FGF14: variants seen among roughly 807,000 people sequenced by gnomAD.
FGF14 encodes fibroblast growth factor homologous factor 4.
FGF14 carries 5 observed loss-of-function variants against 25.5 expected under a neutral mutation model. The ratio of observed to expected loss-of-function variants is 0.20; its 90% confidence interval spans 0.10 to 0.41. FGF14 has a LOEUF of 0.41. Ranked by LOEUF, FGF14 falls within the 10% of genes least tolerant of loss-of-function variation. The probability of loss-of-function intolerance (pLI) is 1.00; values close to 1 mark genes in which losing one functional copy is unlikely to be tolerated. For missense variants in FGF14, 222 were observed against 320.1 expected (o/e 0.69, Z 2.34); for synonymous variants, 138 against 118.3 (o/e 1.17, Z -1.08).
intron 1 of FGF14, among the ~76,000 whole-genome samples, chr13:101,980,712 G>A (rs78755853): frequency 0.014 from 2,201 of 152,242 alleles, 48 homozygotes; most frequent in African/African-American, 0.05. Context: ...ATCAGGGAGG[G>A]TTAACACATT....
intron 1 of FGF14, among the ~76,000 whole-genome samples, chr13:102,160,680 C>T (rs1055638370): frequency 6.6e-6 from 1 of 151,816 alleles, no homozygotes; most frequent in Non-Finnish European, 1.5e-5. Flanking sequence ...TGCCCTTTCA[C>T]AAAAAATGCT....
intron 3 of FGF14, among the ~76,000 whole-genome samples, chr13:101,826,128 G>T (rs3007764): frequency 0.66 from 100,901 of 151,924 alleles, 33,786 homozygotes; most frequent in African/African-American, 0.76. Flanking sequence ...GAATAGAAAT[G>T]ATGCATTTCA....
chr13:102,299,128 G>A (rs1189513039), intron 1 of FGF14, among the ~76,000 whole-genome samples: 1 of 152,106 alleles, frequency 6.6e-6, no homozygotes, highest in Non-Finnish European at 1.5e-5. Flanking sequence ...ATAGTTCCAA[G>A]CTGTTAGAAT....
intron 3 of FGF14, among the ~76,000 whole-genome samples, chr13:101,737,621 C>A (rs189549119): frequency 3.9e-4 from 60 of 152,064 alleles, no homozygotes; most frequent in African/African-American, 1.4e-3. Context: ...TGGAAAAAAA[C>A]CAAATTTGTG....
chr13:101,774,165 G>A (rs960475734), intron 3 of FGF14, among the ~76,000 whole-genome samples: 9 of 152,066 alleles, frequency 5.9e-5, no homozygotes, highest in African/African-American at 2.2e-4. Context: ...GTCTGAAAAA[G>A]CTAAGATTAG....
chr13:101,923,222 C>T (rs2034131496), intron 1 of FGF14, among the ~76,000 whole-genome samples: 1 of 151,972 alleles, frequency 6.6e-6, no homozygotes, highest in South Asian at 2.1e-4. Flanking sequence ...CACATGGTTT[C>T]CTTTGTGAAT....
chr13:101,786,135 T>C (rs2039810381), intron 3 of FGF14, among the ~76,000 whole-genome samples: 1 of 152,080 alleles, frequency 6.6e-6, no homozygotes, highest in Admixed American at 6.5e-5. Flanking sequence ...TCTGATGTGT[T>C]GGCAGTAAGA....
intron 3 of FGF14, among the ~76,000 whole-genome samples, chr13:101,742,816 G>A (rs1291953869): frequency 6.6e-6 from 1 of 152,070 alleles, no homozygotes; most frequent in African/African-American, 2.4e-5. Context: ...CTCGCAATTT[G>A]TCCACAAGGA....
intron 1 of FGF14, among the ~76,000 whole-genome samples, chr13:102,381,646 A>C (rs1022929795): frequency 1.3e-5 from 2 of 152,178 alleles, no homozygotes; most frequent in African/African-American, 4.8e-5. Flanking sequence ...AGAGGATATT[A>C]ATTTCTTGAA....
At chr13:102,194,409 T>C (rs1242252696) in intron 1 of FGF14, among the ~76,000 whole-genome samples, 5 of 138,806 alleles carry the variant, frequency 3.6e-5, no homozygotes, top group Admixed American at 1.5e-4. Flanking sequence ...GCATTAGCTA[T>C]TTATCCTGAT....
At chr13:102,118,389 GACA>G (rs2045568896) in intron 1 of FGF14, among the ~76,000 whole-genome samples, 1 of 95,296 alleles carries the variant, frequency 1.0e-5, no homozygotes, top group Admixed American at 1.2e-4. Context: ...TTTAAACTTT[GACA>G]ACGGACCAAG....
At chr13:101,991,649 G>A (rs946871591) in intron 1 of FGF14, among the ~76,000 whole-genome samples, 1 of 152,064 alleles carries the variant, frequency 6.6e-6, no homozygotes, top group Admixed American at 6.6e-5. Context: ...GAGACAGGTG[G>A]GTACAGAGAA....
intron 1 of FGF14, among the ~76,000 whole-genome samples, chr13:102,265,969 T>C (rs990054017): frequency 2.0e-5 from 3 of 151,940 alleles, no homozygotes; most frequent in African/African-American, 7.2e-5. Context: ...AATTAAGAAT[T>C]AGATAAAATT....
At chr13:102,259,738 T>A (rs2052625286) in intron 1 of FGF14, among the ~76,000 whole-genome samples, 1 of 152,028 alleles carries the variant, frequency 6.6e-6, no homozygotes, top group Non-Finnish European at 1.5e-5. Flanking sequence ...TGAAGCAGAG[T>A]TATAGATAAA....
intron 1 of FGF14, among the ~76,000 whole-genome samples, chr13:102,043,297 G>A (rs2041830135): frequency 6.6e-6 from 1 of 152,042 alleles, no homozygotes; most frequent in Admixed American, 6.6e-5. Context: ...TTCTTCTCAG[G>A]ACTTTTCCTC....
At chr13:102,381,848 G>A (rs1387012395) in intron 1 of FGF14, among the ~76,000 whole-genome samples, 2 of 152,054 alleles carry the variant, frequency 1.3e-5, no homozygotes, top group African/African-American at 4.8e-5. Context: ...AATTAAGAAT[G>A]GTAAAAAGGT....
intron 1 of FGF14, among the ~76,000 whole-genome samples, chr13:101,982,881 G>A (rs1594900798): frequency 6.6e-6 from 1 of 152,128 alleles, no homozygotes; most frequent in African/African-American, 2.4e-5. Context: ...TGAAAAAACT[G>A]GAAAGAATGT....
intron 1 of FGF14, among the ~76,000 whole-genome samples, chr13:101,906,135 A>T (rs79444634): frequency 0.011 from 1,690 of 152,276 alleles, 35 homozygotes; most frequent in African/African-American, 0.039. Flanking sequence ...TTCAGATCAG[A>T]TCCCACCCCA....
chr13:101,894,833 A>G (rs933617697), intron 1 of FGF14, among the ~76,000 whole-genome samples: 14 of 152,194 alleles, frequency 9.2e-5, no homozygotes, highest in African/African-American at 3.4e-4. Context: ...GTTGCTCTTT[A>G]TTAGTCACCT....
Sources: allele counts gnomAD v4.1 joint callset (sites outside exome capture counted in the v4.1 genomes callset), GRCh38; gene constraint gnomAD v4.1.1; transcripts MANE v1.5; gene names NCBI Gene and HGNC (gene_info 2026-07-23, HGNC 2026-07-21).